The following GP6 variants were observed in gnomAD, a reference collection of about 807,000 sequenced individuals.
GP6 encodes platelet glycoprotein VI.
In GP6, 45 loss-of-function variants were observed where a neutral mutation model predicts 37.3. That is an observed-to-expected ratio of 1.21 (90% CI 0.95 to 1.55). The LOEUF is 1.55. Ranked by LOEUF, GP6 falls within the 40% of genes most tolerant of loss-of-function variation. GP6 has a pLI of 0.00. For missense variants in GP6, 813 were observed against 760.2 expected (o/e 1.07, Z -0.82); for synonymous variants, 340 against 316.4 (o/e 1.07, Z -0.79).
intron 1 of GP6, among the ~76,000 whole-genome samples, chr19:55,033,278 C>CGTGTT (rs3032997): frequency 3.8e-5 from 1 of 26,160 alleles, no homozygotes; most frequent in Non-Finnish European, 6.7e-5. Context: ...TGGACTCGTT[C>CGTGTT]GTGTTAGACA....
At position 55,027,591 on chromosome 19, in the gene GP6, C is replaced by T; in HGVS notation, c.597G>A (p.Glu199=). The T allele has an allele frequency of 6.2e-7, 1 of 1,613,464 alleles. No homozygotes were observed. Among genetic ancestry groups the T allele is most frequent in the South Asian group, 1.1e-5 (1 of 91,084 alleles). ...CACTACCCCTACCTGTGACCACAAG[C>T]TCCAGGGGGTCGCTGGGGGCTGACC... The change falls in exon 4 of 8, where the codon GAG becomes GAA. Residue 199 remains glutamate (E), a synonymous_variant. Transcript: ENST00000310373.
chr19:55,029,815 C>G (rs2074494484), intron 3 of GP6, among the ~76,000 whole-genome samples: 1 of 150,596 alleles, frequency 6.6e-6, no homozygotes, highest in African/African-American at 2.4e-5. Flanking sequence ...GTATTTGAGT[C>G]TGACCCTGAA....
At chr19:55,024,289 T>TGCACGCACACACACACAC in intron 5 of GP6, among the ~76,000 whole-genome samples, 1 of 101,912 alleles carries the variant, frequency 9.8e-6, no homozygotes, top group Non-Finnish European at 2.2e-5. Context: ...CACACACACA[T>TGCACGCACACACACACAC]ATGCACGCAT....
chr19:55,036,073 T>TA (rs34534412), intron 1 of GP6, among the ~76,000 whole-genome samples: 10,751 of 135,138 alleles, frequency 0.08, 503 homozygotes, highest in East Asian at 0.21. Flanking sequence ...ATTCCGTCTT[T>TA]AAAAAAAAAA....
In GP6 at chr19:55,027,595, A is replaced by G. The variant is rs1226706332; in HGVS notation, c.593T>C (p.Leu198Pro). 1.9e-6 allele frequency: 3 copies of G among 1,612,620 alleles called. No individual in the cohort carries two copies. The highest frequency in any genetic ancestry group is 3.3e-5 in the Admixed American group (2 of 60,002). Residue 198 changes from leucine to proline, a missense_variant, in exon 4 of 8, where the codon CTG (leucine) becomes CCG (proline). Transcript: ENST00000310373. ...ACCCCTACCTGTGACCACAAGCTCC[A>G]GGGGGTCGCTGGGGGCTGACCACAG...
intron 1 of GP6, among the ~76,000 whole-genome samples, chr19:55,034,692 G>A (rs886764910): frequency 1.4e-5 from 2 of 147,506 alleles, no homozygotes; most frequent in Non-Finnish European, 3.0e-5. Flanking sequence ...GGCATCCAGT[G>A]TTTTATCTGG....
chr19:55,021,614 G>A (rs1420624429), intron 5 of GP6, among the ~76,000 whole-genome samples: 8 of 136,662 alleles, frequency 5.9e-5, no homozygotes, highest in Admixed American at 1.6e-4. Context: ...TCCGCCTCCC[G>A]GGTTCACGCC....
At chr19:55,026,180 CA>C (rs2074295737) in intron 4 of GP6, among the ~76,000 whole-genome samples, 3 of 152,116 alleles carry the variant, frequency 2.0e-5, no homozygotes, top group Non-Finnish European at 2.9e-5. Flanking sequence ...ATTTTTCTAC[CA>C]AAAACTAAAT....
chr19:55,024,247 CAG>C (rs2074186705), intron 5 of GP6, among the ~76,000 whole-genome samples: 1 of 151,996 alleles, frequency 6.6e-6, no homozygotes, highest in Non-Finnish European at 1.5e-5. Flanking sequence ...AAAATTCAGT[CAG>C]AAGCACACGC....
intron 3 of GP6, among the ~76,000 whole-genome samples, chr19:55,029,494 G>A (rs548350911): frequency 3.5e-5 from 5 of 143,938 alleles, no homozygotes; most frequent in African/African-American, 1.3e-4. Flanking sequence ...GGGTTCAAGC[G>A]ATTCTCCTGC....
chr19:55,018,409 GCGGT>G (rs1469172495), intron 6 of GP6, among the ~76,000 whole-genome samples: 1 of 152,254 alleles, frequency 6.6e-6, no homozygotes, highest in Non-Finnish European at 1.5e-5. Flanking sequence ...CGTAGGGATG[GCGGT>G]CGTCCCGCCA....
chr19:55,022,097 T>C (rs1036312769), intron 5 of GP6, among the ~76,000 whole-genome samples: 3 of 152,148 alleles, frequency 2.0e-5, no homozygotes, highest in South Asian at 4.1e-4. Flanking sequence ...ATTCTGTAGG[T>C]TGTCTGTTCA....
chr19:55,027,652 CGGTA>C lies in GP6; in HGVS notation c.532_535del (p.Tyr178AspfsTer29). The C allele has an allele frequency of 6.2e-7, 1 of 1,612,528 alleles. No individual in the cohort carries two copies. Among genetic ancestry groups the C allele is most frequent in the Non-Finnish European group, 8.5e-7 (1 of 1,178,646 alleles). On this transcript the variant is annotated frameshift_variant, in exon 4 of 8. Coordinates refer to ENST00000310373, the MANE Select transcript of GP6 (RefSeq NM_001083899.2). LOFTEE classifies it high-confidence loss of function. Reference sequence around the variant, plus strand: ...GTCCCTGCTGGAGAAGCTGTAGCATCGGTAGGTTCCGCTGTGGGCGGCGGTCACC... The same window carrying C: ...GTCCCTGCTGGAGAAGCTGTAGCATCGGTTCCGCTGTGGGCGGCGGTCACC...
chr19:55,015,893 T>A (rs1219637463), intron 6 of GP6, among the ~76,000 whole-genome samples, 160 bp from the exon 7 acceptor site: 1 of 152,022 alleles, frequency 6.6e-6, no homozygotes, highest in East Asian at 1.9e-4. Context: ...ATCCCAGCAC[T>A]TTGGGAGGCT....
At chr19:55,034,598 G>A (rs2074755773) in intron 1 of GP6, among the ~76,000 whole-genome samples, 1 of 151,600 alleles carries the variant, frequency 6.6e-6, no homozygotes, top group African/African-American at 2.4e-5. Flanking sequence ...ACTCCAGACT[G>A]ACAACAGAGC....
chr19:55,025,356 C>A (rs541818801), intron 4 of GP6, 85 bp from the exon 5 acceptor site: 28 of 864,640 alleles, frequency 3.2e-5, no homozygotes, highest in Non-Finnish European at 4.8e-5. Flanking sequence ...GACTGAGTTT[C>A]CTCACCGGAA....
In GP6 at chr19:55,032,293, G is replaced by A. The variant is rs995736633; in HGVS notation, c.171C>T (p.Tyr57=). ...TGCTGGAACTCAGCTTCTCCAGGCG[G>A]TACAGGTCCACGCCCGGAGGTCCCT... The change falls in exon 3 of 8, where the codon TAC becomes TAT. Residue 57 remains tyrosine (Y), a synonymous_variant. Coordinates refer to ENST00000310373, the MANE Select transcript of GP6 (RefSeq NM_001083899.2). 1.1e-5 allele frequency: 17 copies of A among 1,614,106 alleles called. No individual in the cohort carries two copies. The highest frequency in any genetic ancestry group is 1.4e-5 in the Non-Finnish European group (17 of 1,179,996).
intron 6 of GP6, among the ~76,000 whole-genome samples, chr19:55,018,011 T>A (rs554365792): frequency 6.6e-6 from 1 of 151,990 alleles, no homozygotes; most frequent in Non-Finnish European, 1.5e-5. Flanking sequence ...GAGGTTACAG[T>A]GAGCCGAGAT....
At chr19:55,029,213 GTGTC>G (rs67791756) in intron 3 of GP6, among the ~76,000 whole-genome samples, 75,421 of 142,790 alleles carry the variant, frequency 0.53, 21,046 homozygotes, top group East Asian at 0.62. Flanking sequence ...CAACTATTAT[GTGTC>G]TGTCTGTATT....
Sources: gnomAD v4.1 joint callset for allele counts (sites outside exome capture counted in the v4.1 genomes callset) on GRCh38, gnomAD v4.1.1 for gene constraint, MANE v1.5 for transcripts, NCBI Gene and HGNC (gene_info 2026-07-23, HGNC 2026-07-21) for gene names.